SRBD1: variants seen among roughly 807,000 people sequenced by gnomAD.
The protein encoded by SRBD1 is S1 RNA-binding domain-containing protein 1.
In SRBD1, 88 loss-of-function variants were observed where a neutral mutation model predicts 115.3. The observed-to-expected ratio is 0.76, with a 90% CI of 0.64 to 0.91. The LOEUF is 0.91. Ranked by LOEUF, SRBD1 falls within the 40% of genes least tolerant of loss-of-function variation. SRBD1 has a pLI of 0.00. For missense variants in SRBD1, 1,385 were observed against 1,177.4 expected, an observed-to-expected ratio of 1.18 and a Z score of -2.58; for synonymous variants, 509 against 407.7, an observed-to-expected ratio of 1.25 and a Z score of -2.99.
In SRBD1 at chr2:45,493,764, T is replaced by C. The variant is rs182961429; in HGVS notation, c.1875-5433A>G. Among the ~76,000 whole-genome samples the C allele has an allele frequency of 4.1e-3, 614 of 150,162 alleles. 4 individuals are homozygous for C. Among genetic ancestry groups the C allele is most frequent in the Middle Eastern group, 0.031 (9 of 290 alleles). Reference sequence around the variant, plus strand: ...AGGTGAAGGTTGTAGTGAGCCAAGATCGCGCCACTGCACTCCATCCTGGGC... The same window carrying C: ...AGGTGAAGGTTGTAGTGAGCCAAGACCGCGCCACTGCACTCCATCCTGGGC... On this transcript the variant is annotated intron_variant, in intron 14 of 20. Transcript: ENST00000263736.
chr2:45,519,741 G>A (rs1207120685), intron 14 of SRBD1, among the ~76,000 whole-genome samples: 1 of 152,010 alleles, frequency 6.6e-6, no homozygotes, highest in Non-Finnish European at 1.5e-5. Flanking sequence ...AATCTTTGAT[G>A]CTTGTTAAAT....
intron 10 of SRBD1, among the ~76,000 whole-genome samples, chr2:45,555,912 A>T (rs942926872): frequency 3.9e-5 from 6 of 152,158 alleles, no homozygotes; most frequent in African/African-American, 1.4e-4. Context: ...TCATCCATCT[A>T]CAGCATCTCT....
At chr2:45,565,570 C>A (rs771061524) in intron 9 of SRBD1, among the ~76,000 whole-genome samples, 1 of 152,040 alleles carries the variant, frequency 6.6e-6, no homozygotes, top group Non-Finnish European at 1.5e-5. Flanking sequence ...AGTCATAAAG[C>A]CTTCTTAGAT....
intron 16 of SRBD1, among the ~76,000 whole-genome samples, chr2:45,470,469 C>T (rs530923491): frequency 1.3e-5 from 2 of 152,300 alleles, no homozygotes; most frequent in East Asian, 3.9e-4. Flanking sequence ...ACCAAATGAT[C>T]TAACAGAGAG....
intron 16 of SRBD1, among the ~76,000 whole-genome samples, chr2:45,420,723 T>G (rs1558381076): frequency 1.3e-5 from 2 of 152,242 alleles, no homozygotes; most frequent in African/African-American, 2.4e-5. Flanking sequence ...CAGTATTGTT[T>G]TTTATACTAA....
At chr2:45,428,827 T>C (rs2103666169) in intron 16 of SRBD1, among the ~76,000 whole-genome samples, 1 of 152,018 alleles carries the variant, frequency 6.6e-6, no homozygotes, top group East Asian at 1.9e-4. Flanking sequence ...AGACCAGAAC[T>C]GAAGGAGATA....
At position 45,499,390 on chromosome 2, in the gene SRBD1, G is replaced by A. The variant is rs74584983; in HGVS notation, c.1875-11059C>T. 9.2e-5 allele frequency among the ~76,000 whole-genome samples: 14 copies of A among 152,142 alleles called. No homozygotes were observed. In the East Asian group the frequency reaches 1.7e-3, roughly 19 times the overall value. ...ATTGAGCTGTTTCACTTCCTTATAT[G>A]TTCTAGTTATTAATCCCTTTGTGAT... is the stretch of plus-strand genomic sequence containing the variant. On this transcript the variant is annotated intron_variant, in intron 14 of 20. Transcript: ENST00000263736.
chr2:45,591,849 C>T (rs1410683536), intron 4 of SRBD1, among the ~76,000 whole-genome samples: 1 of 152,140 alleles, frequency 6.6e-6, no homozygotes, highest in African/African-American at 2.4e-5. Context: ...ATGCAGACAC[C>T]AGGGAGAAGC....
rs1449022926 is a variant in SRBD1 at position 45,536,852 on chromosome 2, TCTTAA to T, written c.1874+9875_1874+9879del. Among the ~76,000 whole-genome samples, 7 of 152,184 alleles carry T rather than the reference TCTTAA, an allele frequency of 4.6e-5. No homozygotes were observed. The East Asian group carries it at 1.3e-3, about 29-fold the overall frequency. ...AAGACTCTTGCGGGCCAATCTTCTCTCTTAACTTTGCATTTTTAAAGGCTGAAAAC... is the reference window on the plus strand; with the variant it reads ...AAGACTCTTGCGGGCCAATCTTCTCTCTTTGCATTTTTAAAGGCTGAAAAC... On this transcript the variant is annotated intron_variant, in intron 14 of 20. Coordinates refer to ENST00000263736, the MANE Select transcript of SRBD1 (RefSeq NM_018079.5).
chr2:45,431,196 T>C (rs964704725), intron 16 of SRBD1, among the ~76,000 whole-genome samples: 7 of 152,184 alleles, frequency 4.6e-5, no homozygotes, highest in Non-Finnish European at 7.3e-5. Context: ...TTTAACGCTG[T>C]TGGTGGGAGT....
At chr2:45,551,027 T>C (rs1462369832) in intron 12 of SRBD1, 98 bp downstream of exon 12, 1 of 1,425,724 alleles carries the variant, frequency 7.0e-7, no homozygotes, top group Non-Finnish European at 9.3e-7. Context: ...TTTTAAGCCT[T>C]TAAAATTAAC....
chr2:45,517,444 G>GA (rs1200463551), intron 14 of SRBD1, among the ~76,000 whole-genome samples: 2 of 152,126 alleles, frequency 1.3e-5, no homozygotes, highest in South Asian at 2.1e-4. Flanking sequence ...ACTAAAAGCA[G>GA]AAAAAACTGT....
chr2:45,505,191 T>A (rs1342882812), intron 14 of SRBD1, among the ~76,000 whole-genome samples: 2 of 152,184 alleles, frequency 1.3e-5, no homozygotes, highest in Non-Finnish European at 2.9e-5. Flanking sequence ...TCTGTCTTCA[T>A]CTTGTCTGAA....
intron 16 of SRBD1, among the ~76,000 whole-genome samples, chr2:45,439,986 A>G (rs1668612229): frequency 6.6e-6 from 1 of 152,106 alleles, no homozygotes; most frequent in Non-Finnish European, 1.5e-5. Context: ...TCCTCCCCAG[A>G]TGTCTCACCT....
At chr2:45,593,428 C>A (rs1001774631) in intron 4 of SRBD1, among the ~76,000 whole-genome samples, 2 of 152,128 alleles carry the variant, frequency 1.3e-5, no homozygotes, top group African/African-American at 2.4e-5. Flanking sequence ...GGGCGGTTTC[C>A]CCTATGCTGG....
chr2:45,436,337 C>T (rs765830635), intron 16 of SRBD1, among the ~76,000 whole-genome samples: 1 of 152,156 alleles, frequency 6.6e-6, no homozygotes, highest in Admixed American at 6.6e-5. Context: ...ATATTTCCCA[C>T]TAAGATCAGA....
intron 14 of SRBD1, among the ~76,000 whole-genome samples, chr2:45,512,114 C>T (rs914294839): frequency 6.6e-6 from 1 of 152,168 alleles, no homozygotes; most frequent in African/African-American, 2.4e-5. Context: ...GGTATGCAGA[C>T]CAACATGCTT....
chr2:45,472,953 G>T (rs1309723534), intron 16 of SRBD1, among the ~76,000 whole-genome samples: 1 of 110,126 alleles, frequency 9.1e-6, no homozygotes, highest in Non-Finnish European at 2.3e-5. Flanking sequence ...TAATATCAAG[G>T]TTGTTTTTTT....
intron 10 of SRBD1, 41 bp from the exon 11 acceptor site, chr2:45,553,771 TA>T (rs1672381538): frequency 2.2e-6 from 3 of 1,349,906 alleles, no homozygotes; most frequent in East Asian, 4.9e-5. Context: ...GATGCAACAA[TA>T]AATAAGGCCA....
Sources: allele counts gnomAD v4.1 joint callset (sites outside exome capture counted in the v4.1 genomes callset), GRCh38; gene constraint gnomAD v4.1.1; transcripts MANE v1.5; gene names NCBI Gene and HGNC (gene_info 2026-07-23, HGNC 2026-07-21).